The following OSBPL6 variants were observed in gnomAD, a reference collection of about 807,000 sequenced individuals.
OSBPL6 encodes oxysterol binding protein like 6, also known as oxysterol-binding protein-related protein 6.
In OSBPL6, 49 loss-of-function variants were observed where a neutral mutation model predicts 125.8. The observed-to-expected ratio is 0.39, with a 90% CI of 0.31 to 0.49. OSBPL6 has a LOEUF of 0.49. OSBPL6 is among the 20% of genes least tolerant of loss of function. The probability of loss-of-function intolerance (pLI) is 0.88; values close to 1 mark genes in which losing one functional copy is unlikely to be tolerated. For synonymous variants in OSBPL6, 394 were observed against 391.8 expected (o/e 1.01, Z -0.07); for missense variants, 986 against 1,135.4 (o/e 0.87, Z 1.89).
Position 178,254,444 on chromosome 2 carries a change from TTTCAGATA to T in OSBPL6, c.-350-30479_-350-30472del, listed in dbSNP as rs570536726. Among the ~76,000 whole-genome samples, 32 of 151,514 alleles carry T rather than the reference TTTCAGATA, an allele frequency of 2.1e-4. No individual in the cohort carries two copies. The South Asian group carries it at 6.5e-3, about 31-fold the overall frequency. On this transcript the variant is annotated intron_variant, in intron 1 of 24. Transcript: ENST00000190611. ...TTCCTTTTCCTTATAAATTACCCAA[TTTCAGATA>T]TTCTGTTATGAGCAACAGAAAGCAG...
At chr2:178,389,343 G>A (rs1180506126) in intron 21 of OSBPL6, among the ~76,000 whole-genome samples, 190 bp downstream of exon 21, 2 of 152,016 alleles carry the variant, frequency 1.3e-5, no homozygotes, top group Non-Finnish European at 2.9e-5. Flanking sequence ...AACATATGGA[G>A]GTCAAAAAAG....
At chr2:178,377,531 C>T (rs1693993127) in intron 15 of OSBPL6, among the ~76,000 whole-genome samples, 2 of 152,200 alleles carry the variant, frequency 1.3e-5, no homozygotes, top group South Asian at 2.1e-4. Flanking sequence ...AGGCTCCTCA[C>T]GCCTTCACAC....
chr2:178,358,059 A>G (rs1362911518), intron 12 of OSBPL6, among the ~76,000 whole-genome samples: 1 of 152,102 alleles, frequency 6.6e-6, no homozygotes, highest in Non-Finnish European at 1.5e-5. Flanking sequence ...ACGGCAGGGA[A>G]CATCACACGC....
chr2:178,271,036 A>G (rs796974001), intron 1 of OSBPL6, among the ~76,000 whole-genome samples: 10 of 152,294 alleles, frequency 6.6e-5, no homozygotes, highest in African/African-American at 2.2e-4. Context: ...ACACAGTACC[A>G]CAGACTTCCA....
chr2:178,204,889 C>A (rs1317490378), intron 1 of OSBPL6, among the ~76,000 whole-genome samples: 9 of 152,164 alleles, frequency 5.9e-5, no homozygotes, highest in Admixed American at 5.9e-4. Context: ...TGCTACTATT[C>A]ATTTACTTAT....
At chr2:178,266,292 T>C (rs2092231519) in intron 1 of OSBPL6, among the ~76,000 whole-genome samples, 1 of 152,202 alleles carries the variant, frequency 6.6e-6, no homozygotes. Context: ...AGGATAACAC[T>C]AAGTGTTCAG....
intron 19 of OSBPL6, 69 bp downstream of exon 19, chr2:178,385,590 G>A: frequency 8.5e-7 from 1 of 1,175,830 alleles, no homozygotes; most frequent in Non-Finnish European, 1.3e-6. Context: ...CTTCCAAAGG[G>A]ACACTGTATT....
At chr2:178,295,336 G>A (rs1253783812) in intron 2 of OSBPL6, among the ~76,000 whole-genome samples, 1 of 152,110 alleles carries the variant, frequency 6.6e-6, no homozygotes. Flanking sequence ...ATAGTCTAGC[G>A]GTTACTCCAA....
At chr2:178,235,398 C>CTTTTTTTTTTTTTTTTTTTTTTTTTTTT (rs540269327) in intron 1 of OSBPL6, among the ~76,000 whole-genome samples, 1 of 78,040 alleles carries the variant, frequency 1.3e-5, no homozygotes, top group Non-Finnish European at 2.4e-5. Context: ...CTTTTCTTTT[C>CTTTTTTTTTTTTTTTTTTTTTTTTTTTT]TTTTTTTTTT....
At chr2:178,284,529 G>T (rs1559200280) in intron 1 of OSBPL6, among the ~76,000 whole-genome samples, 1 of 152,142 alleles carries the variant, frequency 6.6e-6, no homozygotes. Flanking sequence ...CTCCACCCTG[G>T]GCATTGCAGC....
At position 178,239,942 on chromosome 2, in the gene OSBPL6, A is replaced by T. The variant is rs181327712; in HGVS notation, c.-350-44985A>T. Among the ~76,000 whole-genome samples the T allele has an allele frequency of 1.7e-3, 266 of 152,158 alleles. 3 individuals are homozygous for T. The highest frequency in any genetic ancestry group is 5.6e-3 in the African/African-American group (233 of 41,524). On this transcript the variant is annotated intron_variant, in intron 1 of 24. Coordinates refer to ENST00000190611, the MANE Select transcript of OSBPL6 (RefSeq NM_032523.4). ...GTGCTCAGCCTGAACTTCATTTTTT[A>T]AAAAAATCAAATTTTAATACTTTGT...
intron 1 of OSBPL6, among the ~76,000 whole-genome samples, chr2:178,260,238 C>T (rs2092015285): frequency 6.6e-6 from 1 of 152,168 alleles, no homozygotes; most frequent in African/African-American, 2.4e-5. Context: ...AGAAGATCAT[C>T]ATAACCATAT....
chr2:178,314,288 A>G (rs537676271), intron 3 of OSBPL6, among the ~76,000 whole-genome samples: 3 of 152,308 alleles, frequency 2.0e-5, no homozygotes, highest in African/African-American at 7.2e-5. Context: ...TCCAATTACA[A>G]TCACCTCCAG....
intron 1 of OSBPL6, among the ~76,000 whole-genome samples, chr2:178,240,242 T>A (rs2091235501): frequency 6.6e-6 from 1 of 152,114 alleles, no homozygotes; most frequent in Non-Finnish European, 1.5e-5. Flanking sequence ...TAAATGTACT[T>A]AATACCCTAA....
At chr2:178,349,536 A>T in intron 12 of OSBPL6, 147 bp downstream of exon 12, 3 of 897,270 alleles carry the variant, frequency 3.3e-6, no homozygotes, top group African/African-American at 1.7e-5. Flanking sequence ...CAAAAATGCA[A>T]CAGGACATGA....
At chr2:178,228,636 GTTTA>G (rs1291128244) in intron 1 of OSBPL6, among the ~76,000 whole-genome samples, 1 of 152,172 alleles carries the variant, frequency 6.6e-6, no homozygotes, top group Non-Finnish European at 1.5e-5. Context: ...AGTTTTAACA[GTTTA>G]TTTACCCCAA....
chr2:178,342,568 C>T (rs1401000016), intron 11 of OSBPL6, among the ~76,000 whole-genome samples: 1 of 152,162 alleles, frequency 6.6e-6, no homozygotes, highest in Non-Finnish European at 1.5e-5. Context: ...CATTGTATAA[C>T]TCATGAAGTC....
chr2:178,233,181 G>A (rs2090905539), intron 1 of OSBPL6, among the ~76,000 whole-genome samples: 1 of 152,182 alleles, frequency 6.6e-6, no homozygotes, highest in Non-Finnish European at 1.5e-5. Flanking sequence ...GCAGAAATGG[G>A]AAGTGGAGTT....
chr2:178,283,055 C>A (rs956132139), intron 1 of OSBPL6, among the ~76,000 whole-genome samples: 6 of 152,156 alleles, frequency 3.9e-5, no homozygotes, highest in Non-Finnish European at 8.8e-5. Context: ...TAAAAAGATG[C>A]AATGCTGAGC....
Sources: allele counts gnomAD v4.1 joint callset (sites outside exome capture counted in the v4.1 genomes callset), GRCh38; gene constraint gnomAD v4.1.1; transcripts MANE v1.5; gene names NCBI Gene and HGNC (gene_info 2026-07-23, HGNC 2026-07-21).